The following ATP8A2 variants were observed in gnomAD, a reference collection of about 807,000 sequenced individuals.
ATP8A2 encodes ATPase phospholipid transporting 8A2.
Under a neutral mutation model 165.6 loss-of-function variants are expected in ATP8A2, and 100 were observed. The ratio of observed to expected loss-of-function variants is 0.60; its 90% CI spans 0.51 to 0.71. ATP8A2 has a LOEUF of 0.71. ATP8A2 is among the 30% of genes least tolerant of loss of function. ATP8A2 has a pLI of 0.00. For missense variants in ATP8A2, 1,227 were observed against 1,479.5 expected (o/e 0.83, Z 2.80); for synonymous variants, 543 against 548.8 (o/e 0.99, Z 0.15).
intron 25 of ATP8A2, chr13:25,705,257 G>A: frequency 2.9e-6 from 1 of 349,334 alleles, no homozygotes; most frequent in South Asian, 2.2e-5. Flanking sequence ...AATCTTTAAA[G>A]TGACTGTCTC....
In ATP8A2 at chr13:26,017,950, A is replaced by T. The variant is rs183253203; in HGVS notation, c.3470-1938A>T. On this transcript the variant is annotated intron_variant, in intron 36 of 36. Coordinates refer to ENST00000381655, the MANE Select transcript of ATP8A2 (RefSeq NM_016529.6). ...GTAGGTTTTGTTTTGCTAGAAATGGAGGTGAGCAAGTAGACAAAAGCCCCC... is the reference window on the plus strand; with the variant it reads ...GTAGGTTTTGTTTTGCTAGAAATGGTGGTGAGCAAGTAGACAAAAGCCCCC... 5.9e-3 allele frequency among the ~76,000 whole-genome samples: 905 copies of T among 152,304 alleles called. 5 individuals are homozygous for T. Among genetic ancestry groups the T allele is most frequent in the Middle Eastern group, 0.027 (8 of 294 alleles).
chr13:26,005,624 T>C (rs1593703685), intron 35 of ATP8A2, among the ~76,000 whole-genome samples: 1 of 152,102 alleles, frequency 6.6e-6, no homozygotes, highest in African/African-American at 2.4e-5. Flanking sequence ...AATTTAGATA[T>C]GCTGTGTTTC....
At chr13:26,004,841 T>A (rs1956708280) in intron 35 of ATP8A2, among the ~76,000 whole-genome samples, 1 of 152,118 alleles carries the variant, frequency 6.6e-6, no homozygotes, top group Non-Finnish European at 1.5e-5. Context: ...AAATCCCACA[T>A]GACCATGGTG....
At chr13:25,541,247 A>C (rs1359783591) in intron 8 of ATP8A2, among the ~76,000 whole-genome samples, 1 of 152,220 alleles carries the variant, frequency 6.6e-6, no homozygotes, top group Non-Finnish European at 1.5e-5. Flanking sequence ...AGTTGAATTC[A>C]GCAATTCTAT....
At chr13:25,459,856 T>A (rs1300410481) in intron 1 of ATP8A2, among the ~76,000 whole-genome samples, 2 of 151,720 alleles carry the variant, frequency 1.3e-5, no homozygotes, top group Non-Finnish European at 2.9e-5. Context: ...GGCTATGGGG[T>A]TGGTTGCAGT....
chr13:25,481,145 GGAAAGAGA>G (rs367716155), intron 2 of ATP8A2, among the ~76,000 whole-genome samples: 5 of 130,908 alleles, frequency 3.8e-5, no homozygotes, highest in Admixed American at 7.6e-5. Context: ...GGGAGACCGT[GGAAAGAGA>G]GGGAGAGGGA....
rs1957074793 is a variant in ATP8A2, at chr13:26,021,031, A to G, written c.*1046A>G. On this transcript the variant is annotated 3_prime_UTR_variant, in exon 37 of 37. Transcript: ENST00000381655. ...ACATTAGAACCCACGTTTGTTTCAG[A>G]GCACATTTTGGACTTTCACTGTTGG... 6.6e-6 allele frequency: 1 copy of G among 152,268 alleles called. No individual in the cohort carries two copies. The highest frequency in any genetic ancestry group is 2.1e-4 in the South Asian group (1 of 4,834). 9.4% of individuals were successfully genotyped at this position (152,268 alleles called of 1,614,324 possible).
At chr13:25,780,355 TG>T (rs1017483338) in intron 27 of ATP8A2, among the ~76,000 whole-genome samples, 3 of 152,156 alleles carry the variant, frequency 2.0e-5, no homozygotes, top group Admixed American at 6.5e-5. Flanking sequence ...TACTTATTTT[TG>T]GCAACACATA....
rs1394757554 is a variant in ATP8A2, at chr13:25,513,168, G to A, written c.222-16831G>A. 2.6e-5 allele frequency among the ~76,000 whole-genome samples: 4 copies of A among 151,838 alleles called. No homozygotes were observed. The East Asian group carries it at 7.9e-4, about 30-fold the overall frequency. ...GGCTCCTCACCTCTCAGATGGGGCG[G>A]CTGCCGGGCGGAGAGGCTCCTCACT... On this transcript the variant is annotated intron_variant, in intron 2 of 36. Transcript: ENST00000381655.
chr13:25,407,305 A>G (rs2033833040), intron 1 of ATP8A2, among the ~76,000 whole-genome samples: 1 of 152,210 alleles, frequency 6.6e-6, no homozygotes, highest in Non-Finnish European at 1.5e-5. Flanking sequence ...TGTACCCAGA[A>G]TCTTGAGGAA....
rs1476496443 is a variant in ATP8A2 at position 25,528,741 on chromosome 13, ACTTGTG to A, written c.222-1257_222-1252del. The stretch of plus-strand genomic sequence containing the variant: ...TTTGTTACATATGCATACATATGCA[ACTTGTG>A]TATGCATACATATGCAACATGTGTA... On this transcript the variant is annotated intron_variant, in intron 2 of 36. Transcript: ENST00000381655. Among the ~76,000 whole-genome samples, 4 of 146,076 alleles carry A rather than the reference ACTTGTG, an allele frequency of 2.7e-5. No individual in the cohort carries two copies. The South Asian group carries it at 8.5e-4, about 31-fold the overall frequency.
intron 1 of ATP8A2, among the ~76,000 whole-genome samples, chr13:25,388,399 C>T (rs938269045): frequency 6.6e-6 from 1 of 152,142 alleles, no homozygotes; most frequent in African/African-American, 2.4e-5. Context: ...GGAGCTTTGG[C>T]AAGACTCACG....
chr13:25,701,723 A>AACACACACACACACAC lies in ATP8A2; in HGVS notation c.2384+2407_2384+2422dup, dbSNP rs71077495. ...TTTCTTGCCAGGTGCTTGATACTAA[A>AACACACACACACACAC]ACACACACACACACACACACACACA... On this transcript the variant is annotated intron_variant, in intron 25 of 36. Coordinates refer to ENST00000381655, the MANE Select transcript of ATP8A2 (RefSeq NM_016529.6). Among the ~76,000 whole-genome samples the AACACACACACACACAC allele has an allele frequency of 5.2e-4, 73 of 140,572 alleles. 1 individual carries two copies. Among genetic ancestry groups the AACACACACACACACAC allele is most frequent in the Admixed American group, 7.1e-4 (10 of 13,996 alleles). 92.2% of individuals were successfully genotyped at this position (140,572 alleles called of 152,430 possible). A position where few individuals can be genotyped will look rare whatever the true frequency, so the allele number is the denominator to read the frequency against.
chr13:25,935,800 A>T (rs927863714), intron 33 of ATP8A2, among the ~76,000 whole-genome samples: 2 of 151,436 alleles, frequency 1.3e-5, no homozygotes, highest in Non-Finnish European at 2.9e-5. Flanking sequence ...TCAACATGAG[A>T]TATGGTGGAG....
At chr13:25,822,674 A>G (rs781702474) in intron 27 of ATP8A2, among the ~76,000 whole-genome samples, 12 of 152,314 alleles carry the variant, frequency 7.9e-5, no homozygotes, top group Non-Finnish European at 1.8e-4. Context: ...TTTCATAGAT[A>G]TTCCAAATAT....
At chr13:25,688,806 G>C (rs115675525) in intron 24 of ATP8A2, among the ~76,000 whole-genome samples, 2 of 152,288 alleles carry the variant, frequency 1.3e-5, no homozygotes, top group South Asian at 4.1e-4. Flanking sequence ...GCCCAGCTTC[G>C]GCCCTTTCTG....
At chr13:25,458,067 ATG>A (rs1301472017) in intron 1 of ATP8A2, among the ~76,000 whole-genome samples, 1 of 152,196 alleles carries the variant, frequency 6.6e-6, no homozygotes, top group African/African-American at 2.4e-5. Context: ...AAGCAAATGA[ATG>A]TGTTTTTCTC....
chr13:25,551,940 C>T (rs1430084512), intron 11 of ATP8A2, among the ~76,000 whole-genome samples: 1 of 151,810 alleles, frequency 6.6e-6, no homozygotes, highest in African/African-American at 2.4e-5. Context: ...ATTTGTGTCT[C>T]TTAAAGAAGC....
intron 33 of ATP8A2, among the ~76,000 whole-genome samples, chr13:25,891,772 C>T (rs1953369117): frequency 6.6e-6 from 1 of 152,070 alleles, no homozygotes; most frequent in South Asian, 2.1e-4. Context: ...AGTGTTTCAC[C>T]AGGGATGTCC....
Sources: allele counts gnomAD v4.1 joint callset (sites outside exome capture counted in the v4.1 genomes callset), GRCh38; gene constraint gnomAD v4.1.1; transcripts MANE v1.5; gene names NCBI Gene and HGNC (gene_info 2026-07-23, HGNC 2026-07-21).